Variants in TRIM16 observed in about 807,000 individuals in gnomAD.
The protein encoded by TRIM16 is tripartite motif-containing protein 16.
TRIM16 carries 33 observed loss-of-function variants against 50.4 expected under a neutral mutation model. The ratio of observed to expected loss-of-function variants is 0.65; its 90% confidence interval spans 0.50 to 0.88. The LOEUF (loss-of-function observed/expected upper bound fraction) is 0.88. Ranked by LOEUF, TRIM16 falls within the 40% of genes least tolerant of loss-of-function variation. TRIM16 has a pLI of 0.00. For missense variants in TRIM16, 581 were observed against 686.8 expected (o/e 0.85, Z 1.72); for synonymous variants, 229 against 270.7 (o/e 0.85, Z 1.51).
At chr17:15,642,841 A>C (rs1427420482) in intron 7 of TRIM16, 25 bp from the exon 8 acceptor site, 1 of 588,452 alleles carries the variant, frequency 1.7e-6, no homozygotes, top group Non-Finnish European at 2.8e-6. Context: ...CAGAGAATTA[A>C]GGAGGAAGGA....
intron 7 of TRIM16, among the ~76,000 whole-genome samples, chr17:15,644,774 G>C (rs1197577501): frequency 2.0e-5 from 3 of 151,924 alleles, no homozygotes; most frequent in Non-Finnish European, 4.4e-5. Flanking sequence ...GCCAGGAAAT[G>C]GGGGCAGAGA....
intron 7 of TRIM16, among the ~76,000 whole-genome samples, chr17:15,650,829 A>G (rs1056457873): frequency 6.6e-6 from 1 of 152,196 alleles, no homozygotes; most frequent in Non-Finnish European, 1.5e-5. Context: ...AACTAGCAAG[A>G]AGGAGGAGAG....
At chr17:15,630,142 G>A (rs1049214082) in intron 11 of TRIM16, among the ~76,000 whole-genome samples, 12 of 151,654 alleles carry the variant, frequency 7.9e-5, no homozygotes, top group African/African-American at 1.9e-4. Context: ...CATTTCCACC[G>A]TGCTGACCTC....
At chr17:15,637,225 G>C (rs1312884360) in intron 8 of TRIM16, among the ~76,000 whole-genome samples, 2 of 130,366 alleles carry the variant, frequency 1.5e-5, no homozygotes, top group South Asian at 2.5e-4. Flanking sequence ...AGGTGGGGGG[G>C]TCAGCCCCCC....
intron 5 of TRIM16, 60 bp from the exon 6 acceptor site, chr17:15,677,340 T>C (rs1988993488): frequency 1.0e-6 from 1 of 964,046 alleles, no homozygotes; most frequent in Admixed American, 6.2e-5. Flanking sequence ...CACTCTATTC[T>C]CAGTCCCACT....
chr17:15,638,238 T>G (rs369140884), intron 8 of TRIM16, among the ~76,000 whole-genome samples: 1 of 119,894 alleles, frequency 8.3e-6, no homozygotes, highest in African/African-American at 3.8e-5. Flanking sequence ...ACCCAAGAAT[T>G]ATCAATAAAA....
intron 8 of TRIM16, among the ~76,000 whole-genome samples, chr17:15,642,089 C>T (rs1016842459): frequency 6.7e-6 from 1 of 148,708 alleles, no homozygotes; most frequent in African/African-American, 2.5e-5. Context: ...AGTGATCCAC[C>T]CACTTCAGCC....
chr17:15,641,995 A>G (rs1331545920), intron 8 of TRIM16, among the ~76,000 whole-genome samples: 1 of 148,452 alleles, frequency 6.7e-6, no homozygotes, highest in Admixed American at 6.7e-5. Context: ...GGTGTGCACC[A>G]CCATGCCTGG....
intron 9 of TRIM16, among the ~76,000 whole-genome samples, chr17:15,634,194 T>C (rs553873192): frequency 6.7e-6 from 1 of 148,192 alleles, no homozygotes; most frequent in South Asian, 2.2e-4. Context: ...CCGGGCGCGG[T>C]GGCGGGCGCC....
chr17:15,645,111 G>A lies in TRIM16; in HGVS notation c.520-2295C>T, dbSNP rs1384785305. 2.0e-5 allele frequency among the ~76,000 whole-genome samples: 3 copies of A among 152,164 alleles called. No individual in the cohort carries two copies. In the East Asian group the frequency reaches 5.8e-4, roughly 29 times the overall value. On this transcript the variant is annotated intron_variant, in intron 7 of 11. Coordinates refer to ENST00000649191, the MANE Select transcript of TRIM16 (RefSeq NM_001348119.1). The stretch of plus-strand genomic sequence containing the variant: ...TTACAGGCATGAGCCACCGTGCCTG[G>A]CCTGTTTCTTATTTCACAACTTAAT...
chr17:15,683,181 A>G, intron 1 of TRIM16, 24 bp from the exon 2 acceptor site: 5 of 1,495,476 alleles, frequency 3.3e-6, no homozygotes, highest in Non-Finnish European at 3.6e-6. Flanking sequence ...TTCTGGATTG[A>G]AGTTTTCCCC....
At chr17:15,675,981 T>C in intron 6 of TRIM16, among the ~76,000 whole-genome samples, 2 of 151,928 alleles carry the variant, frequency 1.3e-5, no homozygotes. Context: ...ATTTCATCCA[T>C]TCTCAGGCAA....
chr17:15,649,049 C>T (rs1410326371), intron 7 of TRIM16, among the ~76,000 whole-genome samples: 2 of 152,014 alleles, frequency 1.3e-5, no homozygotes, highest in East Asian at 1.9e-4. Flanking sequence ...GAGTTCTGCG[C>T]GTGCTCTACA....
At chr17:15,647,217 C>T (rs1272025726) in intron 7 of TRIM16, among the ~76,000 whole-genome samples, 1 of 151,144 alleles carries the variant, frequency 6.6e-6, no homozygotes, top group Non-Finnish European at 1.5e-5. Flanking sequence ...GGTGATCCAC[C>T]CGCCTCGGCC....
chr17:15,676,851 T>C (rs530773834), intron 6 of TRIM16, among the ~76,000 whole-genome samples: 22 of 152,300 alleles, frequency 1.4e-4, no homozygotes, highest in African/African-American at 4.3e-4. Context: ...ATTTCTTATA[T>C]AGCAGAAAAC....
intron 9 of TRIM16, among the ~76,000 whole-genome samples, chr17:15,633,922 C>T (rs1022320382): frequency 2.0e-5 from 3 of 149,172 alleles, no homozygotes; most frequent in Admixed American, 6.6e-5. Flanking sequence ...AGGCTGGGTG[C>T]AGTGGCTCAT....
At chr17:15,641,175 C>T (rs1319787239) in intron 8 of TRIM16, among the ~76,000 whole-genome samples, 7 of 147,894 alleles carry the variant, frequency 4.7e-5, no homozygotes, top group Non-Finnish European at 1.0e-4. Context: ...CATTGAGAAA[C>T]ACTTCTTTCT....
chr17:15,639,045 CTTTTTTTTTT>C (rs529832460), intron 8 of TRIM16, among the ~76,000 whole-genome samples: 2 of 100,914 alleles, frequency 2.0e-5, no homozygotes, highest in South Asian at 3.2e-4. Context: ...TTCTCTCTCT[CTTTTTTTTTT>C]TTTTTTTTTT....
At chr17:15,679,583 C>G (rs905850060) in intron 4 of TRIM16, among the ~76,000 whole-genome samples, 1 of 152,188 alleles carries the variant, frequency 6.6e-6, no homozygotes, top group Non-Finnish European at 1.5e-5. Flanking sequence ...ATTGTTTAGC[C>G]GGCCTTAAGG....
Sources: allele counts gnomAD v4.1 joint callset (sites outside exome capture counted in the v4.1 genomes callset), GRCh38; gene constraint gnomAD v4.1.1; transcripts MANE v1.5; gene names NCBI Gene and HGNC (gene_info 2026-07-23, HGNC 2026-07-21).